LSAMP: variants seen among roughly 807,000 people sequenced by gnomAD.
LSAMP encodes the protein limbic system-associated membrane protein.
LSAMP carries 7 observed loss-of-function variants against 38.6 expected under a neutral mutation model. That is an observed-to-expected ratio of 0.18 (90% CI 0.10 to 0.34). LSAMP has a LOEUF of 0.34. Ranked by LOEUF, LSAMP falls within the 10% of genes least tolerant of loss-of-function variation. The pLI, the probability that LSAMP is intolerant of heterozygous loss-of-function variation, is 1.00. For missense variants in LSAMP, 313 were observed against 420.0 expected, an observed-to-expected ratio of 0.75 and a Z score of 2.23; for synonymous variants, 154 against 166.8, an observed-to-expected ratio of 0.92 and a Z score of 0.59.
chr3:116,370,179 G>C (rs1401952441), intron 1 of LSAMP: 5 of 152,292 alleles, frequency 3.3e-5, no homozygotes, highest in Non-Finnish European at 7.4e-5. Flanking sequence ...CAATTTTGTA[G>C]TTATAGTGTT....
intron 3 of LSAMP, among the ~76,000 whole-genome samples, chr3:115,958,111 C>T (rs1458471333): frequency 4.6e-5 from 7 of 152,090 alleles, no homozygotes; most frequent in South Asian, 2.1e-4. Context: ...CACATACATA[C>T]GCACATAGTT....
At chr3:116,324,319 C>A (rs1246720209) in intron 1 of LSAMP, among the ~76,000 whole-genome samples, 1 of 152,142 alleles carries the variant, frequency 6.6e-6, no homozygotes, top group Non-Finnish European at 1.5e-5. Context: ...TGTATATTAG[C>A]TGAATGTAAA....
At chr3:115,945,930 A>G (rs1938082628) in intron 3 of LSAMP, among the ~76,000 whole-genome samples, 1 of 152,200 alleles carries the variant, frequency 6.6e-6, no homozygotes, top group African/African-American at 2.4e-5. Context: ...TTTCAACTGA[A>G]GTTTTTAAAT....
intron 1 of LSAMP, among the ~76,000 whole-genome samples, chr3:116,384,755 A>G (rs2048604002): frequency 1.3e-5 from 2 of 152,094 alleles, no homozygotes; most frequent in Admixed American, 1.3e-4. Context: ...CCACCTGTCC[A>G]CCCACACAGA....
chr3:115,820,038 C>T (rs1934178208), intron 6 of LSAMP, among the ~76,000 whole-genome samples: 2 of 149,130 alleles, frequency 1.3e-5, no homozygotes, highest in South Asian at 4.2e-4. Flanking sequence ...TTTTTTTTTC[C>T]AGTGTCAGGC....
chr3:115,894,658 T>A (rs886639068), intron 3 of LSAMP, among the ~76,000 whole-genome samples: 1 of 152,102 alleles, frequency 6.6e-6, no homozygotes, highest in Non-Finnish European at 1.5e-5. Flanking sequence ...AACATATTTT[T>A]TTCCATGAGA....
intron 2 of LSAMP, 137 bp downstream of exon 2, chr3:116,086,187 C>T: frequency 5.4e-6 from 4 of 740,452 alleles, no homozygotes; most frequent in Non-Finnish European, 8.9e-6. Flanking sequence ...TCTTTTTAGA[C>T]AGAAAATCGA....
intron 1 of LSAMP, among the ~76,000 whole-genome samples, chr3:116,437,541 A>T (rs2049370436): frequency 6.6e-6 from 1 of 152,096 alleles, no homozygotes; most frequent in Non-Finnish European, 1.5e-5. Flanking sequence ...TAACTGGATG[A>T]TCCTCCACAG....
chr3:116,158,931 C>T (rs1340805298), intron 1 of LSAMP, among the ~76,000 whole-genome samples: 1 of 151,624 alleles, frequency 6.6e-6, no homozygotes, highest in East Asian at 1.9e-4. Flanking sequence ...AAACAGAAAA[C>T]AAAACAAAAC....
At chr3:116,045,757 G>A (rs1332866322) in intron 2 of LSAMP, among the ~76,000 whole-genome samples, 2 of 152,116 alleles carry the variant, frequency 1.3e-5, no homozygotes, top group Non-Finnish European at 2.9e-5. Flanking sequence ...AACAGGCCTT[G>A]TTTTAAGAAT....
chr3:116,294,796 G>A (rs974822669), intron 1 of LSAMP, among the ~76,000 whole-genome samples: 1 of 151,914 alleles, frequency 6.6e-6, no homozygotes, highest in Non-Finnish European at 1.5e-5. Context: ...TAGGTAACCT[G>A]CACTTAACTT....
chr3:116,257,349 C>T (rs2046765111), intron 1 of LSAMP, among the ~76,000 whole-genome samples: 1 of 152,122 alleles, frequency 6.6e-6, no homozygotes, highest in Non-Finnish European at 1.5e-5. Flanking sequence ...TGTTCTTTTT[C>T]TATTAAGTAG....
At chr3:115,848,054 A>G (rs554582987) in intron 4 of LSAMP, among the ~76,000 whole-genome samples, 8,663 of 144,958 alleles carry the variant, frequency 0.06, 830 homozygotes, top group African/African-American at 0.2. Flanking sequence ...GATTCATATT[A>G]GGATATGTCT....
At chr3:116,199,486 T>G (rs776798515) in intron 1 of LSAMP, among the ~76,000 whole-genome samples, 2 of 152,350 alleles carry the variant, frequency 1.3e-5, no homozygotes, top group Admixed American at 6.5e-5. Flanking sequence ...CTGTGTCTTA[T>G]TCAATTTTGT....
At position 116,390,807 on chromosome 3, in the gene LSAMP, GCAGA is replaced by G. The variant is rs1188236127; in HGVS notation, c.155+54066_155+54069del. ...AGTAACAATAATATCCATATATTCT[GCAGA>G]CAGTTGGGAGCCTATGAAGTGTCAT... On this transcript the variant is annotated intron_variant, in intron 1 of 6. Coordinates refer to ENST00000490035, the MANE Select transcript of LSAMP (RefSeq NM_002338.5). 2.0e-5 allele frequency among the ~76,000 whole-genome samples: 3 copies of G among 148,670 alleles called. No homozygotes were observed. In the East Asian group the frequency reaches 5.9e-4, roughly 29 times the overall value.
intron 1 of LSAMP, among the ~76,000 whole-genome samples, chr3:116,208,967 G>C (rs998582108): frequency 1.3e-5 from 2 of 152,234 alleles, no homozygotes; most frequent in Non-Finnish European, 2.9e-5. Flanking sequence ...ACCTAAGCAA[G>C]CCTGGGCAAT....
chr3:116,394,302 G>A (rs1188462713), intron 1 of LSAMP, among the ~76,000 whole-genome samples: 1 of 152,198 alleles, frequency 6.6e-6, no homozygotes, highest in East Asian at 1.9e-4. Context: ...TAAATGAATG[G>A]TTTTTGATAT....
At chr3:116,399,377 T>C (rs2048810157) in intron 1 of LSAMP, among the ~76,000 whole-genome samples, 1 of 152,012 alleles carries the variant, frequency 6.6e-6, no homozygotes, top group Non-Finnish European at 1.5e-5. Flanking sequence ...CAAGAAATAA[T>C]ATGGGCCTGT....
At chr3:115,964,832 C>G (rs1205186246) in intron 3 of LSAMP, among the ~76,000 whole-genome samples, 6 of 152,054 alleles carry the variant, frequency 3.9e-5, no homozygotes, top group Non-Finnish European at 7.4e-5. Context: ...ATCTAAAAAA[C>G]TATATGCTGA....
Sources: allele counts gnomAD v4.1 joint callset (sites outside exome capture counted in the v4.1 genomes callset), GRCh38; gene constraint gnomAD v4.1.1; transcripts MANE v1.5; gene names NCBI Gene and HGNC (gene_info 2026-07-23, HGNC 2026-07-21).